Variants in KIAA1549L observed in about 807,000 individuals in gnomAD.
KIAA1549L encodes UPF0606 protein KIAA1549L.
A neutral mutation model predicts 160.7 loss-of-function variants in KIAA1549L; 88 were observed. The observed-to-expected ratio is 0.55, with a 90% CI of 0.46 to 0.65. KIAA1549L has a LOEUF of 0.65. KIAA1549L is among the 30% of genes least tolerant of loss of function. The pLI, the probability that KIAA1549L is intolerant of heterozygous loss-of-function variation, is 0.00. For missense variants in KIAA1549L, 2,258 were observed against 2,437.5 expected (o/e 0.93, Z 1.55); for synonymous variants, 950 against 976.7 (o/e 0.97, Z 0.51).
intron 1 of KIAA1549L, among the ~76,000 whole-genome samples, chr11:33,490,951 T>G (rs1852644035): frequency 6.6e-6 from 1 of 152,238 alleles, no homozygotes; most frequent in South Asian, 2.1e-4. Flanking sequence ...CTGCTACTTG[T>G]ATGACAAATA....
At chr11:33,526,387 G>T (rs1179462535) in intron 1 of KIAA1549L, among the ~76,000 whole-genome samples, 1 of 152,152 alleles carries the variant, frequency 6.6e-6, no homozygotes, top group East Asian at 1.9e-4. Flanking sequence ...CACACTAAAT[G>T]AAACTACAAC....
intron 16 of KIAA1549L, among the ~76,000 whole-genome samples, chr11:33,642,819 C>A (rs1010801224): frequency 5.3e-5 from 8 of 152,130 alleles, no homozygotes; most frequent in African/African-American, 1.7e-4. Flanking sequence ...CATACTGATT[C>A]TTTGAAAAGA....
intron 16 of KIAA1549L, among the ~76,000 whole-genome samples, chr11:33,644,601 G>T (rs933369127): frequency 6.6e-6 from 1 of 152,202 alleles, no homozygotes; most frequent in Non-Finnish European, 1.5e-5. Context: ...CCTTATAAAA[G>T]CCTTTGAGGC....
chr11:33,609,749 G>A lies in KIAA1549L; in HGVS notation c.5062G>A (p.Val1688Met), dbSNP rs774873847. ...QESSAVLNGE[V>M]NKALKQKSDI... ...GGCCTGAGACTGCCTCTCTCCCCAG[G>A]TGAACAAAGCCCTGAAGCAGAAGTC... is the stretch of plus-strand genomic sequence containing the variant. The change falls in exon 15 of 21, where the codon GTG becomes ATG. Residue 1688 changes from valine (V) to methionine (M), a missense_variant and splice_region_variant. Val to Met is a conservative substitution (Grantham distance 21). This residue lies in a region of KIAA1549L where 1,359 missense variants were observed against 1,546.6 expected (regional missense o/e 0.88). Coordinates refer to ENST00000658780, the MANE Select transcript of KIAA1549L (RefSeq NM_012194.3). 6.2e-7 allele frequency: 1 copy of A among 1,601,582 alleles called. No homozygotes were observed. Among genetic ancestry groups the A allele is most frequent in the Non-Finnish European group, 8.5e-7 (1 of 1,174,460 alleles).
At chr11:33,621,504 C>G (rs1205493310) in intron 16 of KIAA1549L, among the ~76,000 whole-genome samples, 1 of 152,188 alleles carries the variant, frequency 6.6e-6, no homozygotes, top group African/African-American at 2.4e-5. Context: ...ATTAAACCAA[C>G]TTTGGCATTG....
At chr11:33,525,240 T>C (rs1174854500) in intron 1 of KIAA1549L, among the ~76,000 whole-genome samples, 1 of 152,152 alleles carries the variant, frequency 6.6e-6, no homozygotes, top group African/African-American at 2.4e-5. Context: ...CCAAAAACTG[T>C]GAGCTCCCAG....
In KIAA1549L at chr11:33,565,365, C is replaced by T. The variant is rs116540496; in HGVS notation, c.4079-2711C>T. On this transcript the variant is annotated intron_variant, in intron 8 of 20. Coordinates refer to ENST00000658780, the MANE Select transcript of KIAA1549L (RefSeq NM_012194.3). ...AACAACAGCAGCTACCATTTATTGC[C>T]GTTCCCTCAAGGGCCTTATGATAGT... is the stretch of plus-strand genomic sequence containing the variant. Among the ~76,000 whole-genome samples, 182 of 152,242 alleles carry T rather than the reference C, an allele frequency of 1.2e-3. 2 individuals are homozygous for T. Among genetic ancestry groups the T allele is most frequent in the African/African-American group, 4.2e-3 (176 of 41,538 alleles).
intron 1 of KIAA1549L, among the ~76,000 whole-genome samples, chr11:33,440,644 T>TAGTGA (rs1469672012): frequency 6.6e-6 from 1 of 152,230 alleles, no homozygotes; most frequent in Non-Finnish European, 1.5e-5. Context: ...TCTTAAAAAT[T>TAGTGA]CACTAATCAG....
chr11:33,562,216 A>AT, intron 8 of KIAA1549L, among the ~76,000 whole-genome samples: 1 of 152,262 alleles, frequency 6.6e-6, no homozygotes, highest in African/African-American at 2.4e-5. Flanking sequence ...TTTTGGTGGC[A>AT]TTTTCTCTTT....
At chr11:33,593,906 A>G (rs61888322) in intron 12 of KIAA1549L, among the ~76,000 whole-genome samples, 31,841 of 152,002 alleles carry the variant, frequency 0.21, 3,715 homozygotes, top group East Asian at 0.36. Context: ...GACTGGGAAG[A>G]ATCACCTAGG....
Position 33,435,796 on chromosome 11 carries a change from A to ATATATGTGTGTGTGTGTGTG in KIAA1549L, c.238+58912_238+58913insGTGTGTGTGTGTGTGTATAT, listed in dbSNP as rs1851352809. 2.6e-3 allele frequency among the ~76,000 whole-genome samples: 91 copies of ATATATGTGTGTGTGTGTGTG among 34,646 alleles called. 4 individuals carry two copies. The highest frequency in any genetic ancestry group is 3.1e-3 in the Non-Finnish European group (65 of 20,702). 22.7% of individuals were successfully genotyped at this position (34,646 alleles called of 152,430 possible). On this transcript the variant is annotated intron_variant, in intron 1 of 20. Coordinates refer to ENST00000658780, the MANE Select transcript of KIAA1549L (RefSeq NM_012194.3). ...TATATATATATATATATATATATAT[A>ATATATGTGTGTGTGTGTGTG]TATATATATATATATGTGTGTGTAT...
chr11:33,575,567 TG>T (rs1276021377), intron 10 of KIAA1549L, among the ~76,000 whole-genome samples: 2 of 152,090 alleles, frequency 1.3e-5, no homozygotes, highest in Non-Finnish European at 2.9e-5. Flanking sequence ...CTCAGAAAAA[TG>T]AAATAACCTG....
chr11:33,625,783 T>G (rs1043166217), intron 16 of KIAA1549L, among the ~76,000 whole-genome samples: 10 of 152,220 alleles, frequency 6.6e-5, no homozygotes, highest in East Asian at 1.9e-4. Flanking sequence ...ATTTGTCAAT[T>G]TTGGCTTTTG....
intron 1 of KIAA1549L, among the ~76,000 whole-genome samples, chr11:33,432,480 C>T (rs1424137487): frequency 6.6e-6 from 1 of 151,886 alleles, no homozygotes; most frequent in Non-Finnish European, 1.5e-5. Flanking sequence ...TTTGTAGATT[C>T]TGGATATTAA....
intron 1 of KIAA1549L, among the ~76,000 whole-genome samples, chr11:33,508,214 T>C (rs1853138998): frequency 6.6e-6 from 1 of 152,194 alleles, no homozygotes; most frequent in African/African-American, 2.4e-5. Flanking sequence ...GTGTAGTTTT[T>C]GGTTATCCAG....
chr11:33,639,168 G>A (rs1383637310), intron 16 of KIAA1549L, among the ~76,000 whole-genome samples: 2 of 152,194 alleles, frequency 1.3e-5, no homozygotes, highest in African/African-American at 4.8e-5. Flanking sequence ...GATACTTGGG[G>A]TTCCCAGCAG....
intron 16 of KIAA1549L, among the ~76,000 whole-genome samples, chr11:33,627,338 G>C (rs1004557566): frequency 6.7e-6 from 1 of 150,210 alleles, no homozygotes; most frequent in African/African-American, 2.5e-5. Context: ...AATGGTACCA[G>C]TTCCTCCTTG....
intron 9 of KIAA1549L, among the ~76,000 whole-genome samples, chr11:33,570,077 C>T (rs1038526939): frequency 3.3e-5 from 5 of 149,394 alleles, no homozygotes; most frequent in Non-Finnish European, 5.9e-5. Context: ...AATATTGGCA[C>T]ACTGCAACCT....
At chr11:33,650,964 C>G (rs1033931632) in intron 17 of KIAA1549L, among the ~76,000 whole-genome samples, 6 of 152,192 alleles carry the variant, frequency 3.9e-5, no homozygotes, top group Non-Finnish European at 8.8e-5. Flanking sequence ...CTTATGTCCT[C>G]TCCTCCACTT....
Sources: gnomAD v4.1 joint callset for allele counts (sites outside exome capture counted in the v4.1 genomes callset) on GRCh38, gnomAD v4.1.1 for gene constraint, gnomAD v4.1.1 regional missense constraint, MANE v1.5 for transcripts, NCBI Gene and HGNC (gene_info 2026-07-23, HGNC 2026-07-21) for gene names.